The following SPOCK3 variants were observed in gnomAD, a reference collection of about 807,000 sequenced individuals.
SPOCK3 encodes the protein testican-3.
Under a neutral mutation model 56.6 loss-of-function variants are expected in SPOCK3, and 30 were observed. The ratio of observed to expected loss-of-function variants is 0.53; its 90% CI spans 0.40 to 0.72. SPOCK3 has a LOEUF of 0.72. SPOCK3 is among the 30% of genes least tolerant of loss of function. The probability of loss-of-function intolerance (pLI) is 0.00; values close to 1 mark genes in which losing one functional copy is unlikely to be tolerated. For synonymous variants in SPOCK3, 196 were observed against 183.3 expected (o/e 1.07, Z -0.56); for missense variants, 527 against 530.0 (o/e 0.99, Z 0.06).
intron 4 of SPOCK3, among the ~76,000 whole-genome samples, chr4:166,980,950 A>G (rs1746505612): frequency 6.6e-6 from 1 of 152,152 alleles, no homozygotes; most frequent in Admixed American, 6.5e-5. Flanking sequence ...TGTTTGTGCT[A>G]AAGCTCTTTC....
At chr4:167,204,301 T>G (rs1274292700) in intron 2 of SPOCK3, among the ~76,000 whole-genome samples, 1 of 152,064 alleles carries the variant, frequency 6.6e-6, no homozygotes, top group Non-Finnish European at 1.5e-5. Context: ...CCTCCTGTAT[T>G]AGTCTGTTCT....
intron 7 of SPOCK3, among the ~76,000 whole-genome samples, chr4:166,766,743 G>T (rs13143321): frequency 0.33 from 50,078 of 151,896 alleles, 8,397 homozygotes; most frequent in Admixed American, 0.42. Flanking sequence ...CTATTGATTG[G>T]AATAGTTTCA....
intron 6 of SPOCK3, among the ~76,000 whole-genome samples, chr4:166,884,149 C>T (rs1018506254): frequency 3.9e-5 from 6 of 151,904 alleles, no homozygotes; most frequent in South Asian, 2.1e-4. Context: ...TACAGGAGAT[C>T]GAGATCAACC....
At chr4:166,842,103 A>G (rs546302737) in intron 6 of SPOCK3, among the ~76,000 whole-genome samples, 1 of 152,306 alleles carries the variant, frequency 6.6e-6, no homozygotes, top group South Asian at 2.1e-4. Context: ...CCCTGGCCTT[A>G]GGAGTGAAGC....
chr4:167,036,936 C>A (rs1752809560), intron 3 of SPOCK3, among the ~76,000 whole-genome samples: 1 of 152,048 alleles, frequency 6.6e-6, no homozygotes, highest in African/African-American at 2.4e-5. Flanking sequence ...GTGCTTCTCC[C>A]TGGGTGAGAT....
At chr4:167,211,189 C>T (rs1734837548) in intron 2 of SPOCK3, among the ~76,000 whole-genome samples, 1 of 152,032 alleles carries the variant, frequency 6.6e-6, no homozygotes, top group Non-Finnish European at 1.5e-5. Flanking sequence ...GGCCTGTAGC[C>T]CCTTTGTTTT....
rs113965950 is a variant in SPOCK3, at chr4:166,841,687, T to C, written c.589+47443A>G. 5.9e-5 allele frequency among the ~76,000 whole-genome samples: 9 copies of C among 152,334 alleles called. No homozygotes were observed. The South Asian group carries it at 1.9e-3, about 32-fold the overall frequency. On this transcript the variant is annotated intron_variant, in intron 6 of 10. Coordinates refer to ENST00000357545, the MANE Select transcript of SPOCK3 (RefSeq NM_001040159.2). ...TTGCATACATGTTATTGCAAAGTAA[T>C]ATTACAAATCTTCCCCTGTGCCTGT...
intron 5 of SPOCK3, among the ~76,000 whole-genome samples, chr4:166,906,360 G>T (rs1168773221): frequency 1.3e-5 from 2 of 151,840 alleles, no homozygotes; most frequent in Non-Finnish European, 2.9e-5. Context: ...TGTAGAAACG[G>T]GTTTTTGCCA....
intron 8 of SPOCK3, among the ~76,000 whole-genome samples, chr4:166,744,994 G>A (rs551360685): frequency 6.6e-6 from 1 of 152,168 alleles, no homozygotes; most frequent in African/African-American, 2.4e-5. Flanking sequence ...TATGTGAAGA[G>A]ACCAAATCTA....
chr4:167,219,963 A>T (rs1735739730), intron 2 of SPOCK3, among the ~76,000 whole-genome samples: 1 of 152,122 alleles, frequency 6.6e-6, no homozygotes, highest in Non-Finnish European at 1.5e-5. Context: ...AAAAACTTAC[A>T]TATATTCCAA....
chr4:167,007,896 T>C (rs1417484553), intron 3 of SPOCK3, among the ~76,000 whole-genome samples: 1 of 152,158 alleles, frequency 6.6e-6, no homozygotes, highest in Non-Finnish European at 1.5e-5. Context: ...GCTAAGGTAT[T>C]AGACCTTCTA....
intron 3 of SPOCK3, among the ~76,000 whole-genome samples, chr4:167,043,570 GT>G (rs942291334): frequency 2.6e-5 from 4 of 152,026 alleles, no homozygotes; most frequent in African/African-American, 9.6e-5. Context: ...GTAGCTACAG[GT>G]TTTTTATAGA....
At chr4:166,747,986 A>G (rs1485657677) in intron 8 of SPOCK3, among the ~76,000 whole-genome samples, 4 of 152,154 alleles carry the variant, frequency 2.6e-5, no homozygotes, top group Middle Eastern at 3.4e-3. Context: ...AAATAAAAAA[A>G]GATACAAACA....
chr4:167,109,189 T>C (rs1478415932), intron 2 of SPOCK3, among the ~76,000 whole-genome samples: 1 of 65,214 alleles, frequency 1.5e-5, no homozygotes, highest in African/African-American at 7.0e-5. Context: ...TATATAAATA[T>C]TATATATTTA....
At chr4:166,947,866 C>T (rs994306970) in intron 4 of SPOCK3, among the ~76,000 whole-genome samples, 7 of 152,014 alleles carry the variant, frequency 4.6e-5, no homozygotes, top group African/African-American at 1.7e-4. Context: ...TTTTTGTTTT[C>T]GTGGTGAGAA....
At chr4:166,919,842 G>A (rs910661576) in intron 4 of SPOCK3, among the ~76,000 whole-genome samples, 1 of 152,074 alleles carries the variant, frequency 6.6e-6, no homozygotes, top group African/African-American at 2.4e-5. Context: ...TATCATCATT[G>A]AAAGAAGTGT....
intron 2 of SPOCK3, 195 bp from the exon 3 acceptor site, chr4:167,062,732 G>T: frequency 1.9e-6 from 1 of 528,182 alleles, no homozygotes; most frequent in South Asian, 3.3e-5. Context: ...TATCAAAAAG[G>T]AACACACTGT....
chr4:167,199,054 C>T (rs952448725), intron 2 of SPOCK3, among the ~76,000 whole-genome samples: 1 of 151,978 alleles, frequency 6.6e-6, no homozygotes, highest in Non-Finnish European at 1.5e-5. Flanking sequence ...TGTATAGACT[C>T]ATCAGAAAAA....
intron 3 of SPOCK3, among the ~76,000 whole-genome samples, chr4:167,030,089 C>CTATCTATT (rs145880481): frequency 0.047 from 6,494 of 139,616 alleles, 225 homozygotes; most frequent in African/African-American, 0.1. Context: ...CTCATTCTAT[C>CTATCTATT]TATCTATCTA....
Sources: allele counts gnomAD v4.1 joint callset (sites outside exome capture counted in the v4.1 genomes callset), GRCh38; gene constraint gnomAD v4.1.1; transcripts MANE v1.5; gene names NCBI Gene and HGNC (gene_info 2026-07-23, HGNC 2026-07-21).